DSC3: variants seen among roughly 807,000 people sequenced by gnomAD.
DSC3 encodes the protein desmocollin 3, also known as desmocollin-3.
In DSC3, 97 loss-of-function variants were observed where a neutral mutation model predicts 89.5. The observed-to-expected ratio is 1.08, with a 90% CI of 0.92 to 1.28. The LOEUF is 1.28. DSC3 is among the 50% of genes most tolerant of loss of function. The pLI is 0.00. For synonymous variants in DSC3, 436 were observed against 384.1 expected (o/e 1.14, Z -1.58); for missense variants, 1,199 against 1,085.3 (o/e 1.10, Z -1.47).
intron 15 of DSC3, among the ~76,000 whole-genome samples, chr18:30,995,992 A>G (rs371487666): frequency 1.0e-4 from 12 of 117,626 alleles, no homozygotes; most frequent in East Asian, 2.7e-4. Context: ...AAAAAAAAAA[A>G]AAAAAAAGAA....
At chr18:31,007,659 A>G (rs1984899834) in intron 11 of DSC3, among the ~76,000 whole-genome samples, 2 of 152,180 alleles carry the variant, frequency 1.3e-5, no homozygotes, top group Admixed American at 6.5e-5. Flanking sequence ...GATCATTTTG[A>G]CCTAATATGC....
chr18:31,010,645 A>G (rs1446356760), intron 9 of DSC3, among the ~76,000 whole-genome samples: 1 of 152,204 alleles, frequency 6.6e-6, no homozygotes, highest in Admixed American at 6.5e-5. Context: ...AAGTGCTTAA[A>G]AATATCCCAC....
intron 2 of DSC3, 27 bp downstream of exon 2, chr18:31,032,165 T>C (rs985475333): frequency 6.5e-7 from 1 of 1,544,566 alleles, no homozygotes; most frequent in African/African-American, 1.4e-5. Flanking sequence ...AAATTTCTGC[T>C]TTAAAAAGAC....
Position 31,004,163 on chromosome 18 carries a change from G to A in DSC3, c.2092C>T (p.Leu698=). The A allele has an allele frequency of 6.2e-7, 1 of 1,612,832 alleles. No homozygotes were observed. Among genetic ancestry groups the A allele is most frequent in the East Asian group, 2.2e-5 (1 of 44,852 alleles). ...TTACAAAAGAGCAGTGCTATACCCA[G>A]TAATATTGCAAGGATTGCCCATTTT... ...LGKWAILAIL[L]GIALLFSVLL... The change falls in exon 13 of 16, where the codon CTG becomes TTG. Residue 698 remains leucine (L), a synonymous_variant. Transcript: ENST00000360428.
chr18:30,990,845 T>C lies in DSC3; in HGVS notation c.*3330A>G, dbSNP rs539628646. ...ATTTATTATACATATGTATCATAGA[T>C]ACTCATCTGTAAAGCTGTGCTTCAA... is the stretch of plus-strand genomic sequence containing the variant. On this transcript the variant is annotated 3_prime_UTR_variant, in exon 16 of 16. Coordinates refer to ENST00000360428, the MANE Select transcript of DSC3 (RefSeq NM_001941.5). 33 of 152,340 alleles carry C rather than the reference T, an allele frequency of 2.2e-4. No homozygotes were observed. Among genetic ancestry groups the C allele is most frequent in the African/African-American group, 7.7e-4 (32 of 41,568 alleles). The allele number at this position is 152,340 out of a possible 1,614,324, so 9.4% of individuals were successfully genotyped here. A position where few individuals can be genotyped will look rare whatever the true frequency, so the allele number is the denominator to read the frequency against.
rs780396461 is a variant in DSC3, at chr18:30,992,965, A to C, written c.*1210T>G. 3 of 152,226 alleles carry C rather than the reference A, an allele frequency of 2.0e-5. No individual in the cohort carries two copies. Among genetic ancestry groups the C allele is most frequent in the Non-Finnish European group, 4.4e-5 (3 of 68,060 alleles). The allele number at this position is 152,226 out of a possible 1,614,324, so 9.4% of individuals were successfully genotyped here. On this transcript the variant is annotated 3_prime_UTR_variant, in exon 16 of 16. Coordinates refer to ENST00000360428, the MANE Select transcript of DSC3 (RefSeq NM_001941.5). ...AGAAAAATGAAATTTTGTAGCTCCC[A>C]GACCTGATCAGGTGTCAAGTTTGTG...
chr18:31,017,505 C>A (rs935872332), intron 9 of DSC3, among the ~76,000 whole-genome samples: 1 of 152,048 alleles, frequency 6.6e-6, no homozygotes, highest in Non-Finnish European at 1.5e-5. Flanking sequence ...AAAATAAGTT[C>A]ATTCATTGCT....
chr18:31,037,721 G>A (rs181631346), intron 1 of DSC3, among the ~76,000 whole-genome samples: 34 of 152,202 alleles, frequency 2.2e-4, no homozygotes, highest in Admixed American at 1.7e-3. Flanking sequence ...CCAACATGGT[G>A]AAACCTCGTC....
At chr18:31,037,912 T>G (rs1437734475) in intron 1 of DSC3, among the ~76,000 whole-genome samples, 2 of 150,222 alleles carry the variant, frequency 1.3e-5, no homozygotes, top group African/African-American at 5.0e-5. Flanking sequence ...AAAAAAAAAG[T>G]TCATTCTCTA....
chr18:31,026,694 A>G (rs1470159755), intron 4 of DSC3, among the ~76,000 whole-genome samples: 1 of 152,134 alleles, frequency 6.6e-6, no homozygotes, highest in Non-Finnish European at 1.5e-5. Context: ...AGTATCTCTT[A>G]ATATCTATTC....
At chr18:31,019,099 T>C (rs1985332832) in intron 7 of DSC3, among the ~76,000 whole-genome samples, 1 of 152,232 alleles carries the variant, frequency 6.6e-6, no homozygotes. Flanking sequence ...ATTTGAGTTT[T>C]GTTTTGTTTT....
At position 31,031,732 on chromosome 18, in the gene DSC3, G is replaced by T. The variant is rs73413621; in HGVS notation, c.154+460C>A. Among the ~76,000 whole-genome samples, 1,494 of 152,240 alleles carry T rather than the reference G, an allele frequency of 9.8e-3. 30 individuals are homozygous for T. Among genetic ancestry groups the T allele is most frequent in the African/African-American group, 0.029 (1,188 of 41,540 alleles). ...TGTGTGTTCCAAGCTTTCCAAGGCC[G>T]CACACTGAAACTCTACATGGAGTCT... On this transcript the variant is annotated intron_variant, in intron 2 of 15. Coordinates refer to ENST00000360428, the MANE Select transcript of DSC3 (RefSeq NM_001941.5).
At position 31,024,553 on chromosome 18, in the gene DSC3, T is replaced by C. The variant is rs546462004; in HGVS notation, c.631-60A>G. ...CAGATCCCGGCAAGACAGAATAAGA[T>C]GCTTTATCTACTACCTGCCTTGCAA... On this transcript the variant is annotated intron_variant, in intron 5 of 15. Coordinates refer to ENST00000360428, the MANE Select transcript of DSC3 (RefSeq NM_001941.5). 202 of 1,558,370 alleles carry C rather than the reference T, an allele frequency of 1.3e-4. 1 individual carries two copies. The East Asian group carries it at 4.3e-3, about 33-fold the overall frequency.
chr18:31,033,821 AGTTTT>A (rs948473405), intron 1 of DSC3, among the ~76,000 whole-genome samples: 8 of 152,110 alleles, frequency 5.3e-5, no homozygotes, highest in South Asian at 4.1e-4. Flanking sequence ...CTCATAGAAT[AGTTTT>A]GTTTTGTTTT....
chr18:31,006,282 C>G (rs1181779983), intron 12 of DSC3, among the ~76,000 whole-genome samples: 1 of 131,192 alleles, frequency 7.6e-6, no homozygotes, highest in Non-Finnish European at 1.6e-5. Context: ...GCTCTCTCCT[C>G]ACCTCGCTGG....
chr18:31,000,053 C>T (rs957092331), intron 14 of DSC3, among the ~76,000 whole-genome samples: 1 of 151,952 alleles, frequency 6.6e-6, no homozygotes, highest in Non-Finnish European at 1.5e-5. Flanking sequence ...CCTGCTTTCT[C>T]GCTGGAGAGA....
intron 7 of DSC3, among the ~76,000 whole-genome samples, chr18:31,021,766 G>A (rs1266441280): frequency 6.6e-6 from 1 of 152,056 alleles, no homozygotes; most frequent in African/African-American, 2.4e-5. Flanking sequence ...CTCATTTATA[G>A]ATAGGATATA....
rs781154139 is a variant in DSC3, at chr18:31,025,711, G to A, written c.630+49C>T. The A allele has an allele frequency of 3.8e-6, 6 of 1,574,832 alleles. No homozygotes were observed. In the East Asian group the frequency reaches 1.1e-4, roughly 29 times the overall value. Reference sequence around the variant, plus strand: ...AGAGTAGCTGGAGTAAGCATCAGAAGAAACATAGTTTAATAATTTAAAGTC... The same window carrying A: ...AGAGTAGCTGGAGTAAGCATCAGAAAAAACATAGTTTAATAATTTAAAGTC... On this transcript the variant is annotated intron_variant, in intron 5 of 15. Transcript: ENST00000360428.
chr18:31,031,310 A>C (rs1314765732), intron 2 of DSC3, 138 bp from the exon 3 acceptor site: 1 of 616,884 alleles, frequency 1.6e-6, no homozygotes, highest in Non-Finnish European at 2.7e-6. Context: ...CAGATATCTT[A>C]ACCTGTTTTT....
Sources: allele counts gnomAD v4.1 joint callset (sites outside exome capture counted in the v4.1 genomes callset), GRCh38; gene constraint gnomAD v4.1.1; transcripts MANE v1.5; gene names NCBI Gene and HGNC (gene_info 2026-07-23, HGNC 2026-07-21).